The following KHDRBS2 variants were observed in gnomAD, a reference collection of about 807,000 sequenced individuals.
KHDRBS2 encodes the protein KH RNA binding domain containing, signal transduction associated 2.
KHDRBS2 carries 26 observed loss-of-function variants against 44.3 expected under a neutral mutation model. The ratio of observed to expected loss-of-function variants is 0.59; its 90% confidence interval spans 0.43 to 0.81. The LOEUF (loss-of-function observed/expected upper bound fraction) is 0.81. Among genes scored for constraint, KHDRBS2 ranks in the 40% least tolerant of loss-of-function variants. KHDRBS2 has a pLI of 0.00. For synonymous variants in KHDRBS2, 194 were observed against 151.1 expected, an observed-to-expected ratio of 1.28 and a Z score of -2.08; for missense variants, 476 against 433.1, an observed-to-expected ratio of 1.10 and a Z score of -0.88.
At chr6:61,857,928 A>G (rs1298393040) in intron 6 of KHDRBS2, among the ~76,000 whole-genome samples, 4 of 152,024 alleles carry the variant, frequency 2.6e-5, no homozygotes, top group Non-Finnish European at 5.9e-5. Context: ...TATGATTTAA[A>G]ATTTATATTA....
rs78555712 is a variant in KHDRBS2 at position 61,752,730 on chromosome 6, A to G, written c.811-19966T>C. Among the ~76,000 whole-genome samples, 1,343 of 150,612 alleles carry G rather than the reference A, an allele frequency of 8.9e-3. 13 individuals carry two copies. The highest frequency in any genetic ancestry group is 0.014 in the Middle Eastern group (4 of 286). On this transcript the variant is annotated intron_variant, in intron 6 of 8. Transcript: ENST00000281156. Reference sequence around the variant, plus strand: ...TCCATGCTCATTGAGGTCATATTCTAGTTGGTGGTTTAAGATGAAGACAGA... The same window carrying G: ...TCCATGCTCATTGAGGTCATATTCTGGTTGGTGGTTTAAGATGAAGACAGA...
the KHDRBS2 span, chr6:61,630,470 T>A: frequency 6.6e-6 from 1 of 152,228 alleles, no homozygotes; most frequent in South Asian, 2.1e-4. Flanking sequence ...ATGTCTTCCA[T>A]GGTGAACAGG....
At chr6:62,235,070 C>CA (rs1488093202) in intron 1 of KHDRBS2, among the ~76,000 whole-genome samples, 1 of 106,966 alleles carries the variant, frequency 9.3e-6, no homozygotes, top group Non-Finnish European at 2.0e-5. Flanking sequence ...TCCATTTAGG[C>CA]TTTTTTTTTT....
chr6:61,954,835 T>C (rs1387053682), intron 4 of KHDRBS2, among the ~76,000 whole-genome samples: 10 of 77,802 alleles, frequency 1.3e-4, no homozygotes, highest in East Asian at 6.0e-4. Context: ...CACATGCATA[T>C]GTATGTATAC....
chr6:61,828,794 TTTTA>T (rs1324884828), intron 6 of KHDRBS2, among the ~76,000 whole-genome samples: 1 of 152,214 alleles, frequency 6.6e-6, no homozygotes, highest in African/African-American at 2.4e-5. Flanking sequence ...AGATACAATA[TTTTA>T]TTTATCTTTG....
chr6:61,878,333 C>T (rs1240244581), intron 6 of KHDRBS2, among the ~76,000 whole-genome samples: 2 of 152,156 alleles, frequency 1.3e-5, no homozygotes, highest in South Asian at 2.1e-4. Flanking sequence ...CATTGTACTA[C>T]TTTTCCCCTA....
At chr6:62,043,032 T>C (rs1296779309) in intron 3 of KHDRBS2, among the ~76,000 whole-genome samples, 3 of 152,120 alleles carry the variant, frequency 2.0e-5, no homozygotes, top group African/African-American at 4.8e-5. Context: ...TTAAGGACAA[T>C]AGGTGAGTCT....
chr6:61,950,897 A>G (rs1297098978), intron 4 of KHDRBS2, among the ~76,000 whole-genome samples: 1 of 152,076 alleles, frequency 6.6e-6, no homozygotes, highest in Non-Finnish European at 1.5e-5. Context: ...TAGTATTTTC[A>G]TAATTAGGAA....
At chr6:61,569,173 C>T in the KHDRBS2 span, among the ~76,000 whole-genome samples, 15 of 152,104 alleles carry the variant, frequency 9.9e-5, no homozygotes, top group Admixed American at 9.8e-4. Flanking sequence ...CCAAAATCCC[C>T]TCTGGAACAT....
At chr6:62,269,321 AT>A (rs1486811997) in intron 1 of KHDRBS2, among the ~76,000 whole-genome samples, 1 of 152,086 alleles carries the variant, frequency 6.6e-6, no homozygotes, top group Non-Finnish European at 1.5e-5. Context: ...TTAGGGAAAA[AT>A]ATCACAAAAC....
chr6:61,547,287 A>C, the KHDRBS2 span, among the ~76,000 whole-genome samples: 1 of 152,130 alleles, frequency 6.6e-6, no homozygotes, highest in East Asian at 1.9e-4. Flanking sequence ...TTGCCAATAC[A>C]TTCACCCTTA....
chr6:61,725,125 C>G (rs926685410), intron 7 of KHDRBS2, among the ~76,000 whole-genome samples: 3 of 152,132 alleles, frequency 2.0e-5, no homozygotes, highest in Non-Finnish European at 4.4e-5. Context: ...ACAGTGCAAT[C>G]AAATTTGATC....
intron 5 of KHDRBS2, among the ~76,000 whole-genome samples, chr6:61,899,179 TAA>T (rs1266518758): frequency 1.3e-5 from 2 of 152,010 alleles, no homozygotes; most frequent in East Asian, 3.9e-4. Context: ...ATTCTAGTAA[TAA>T]GAGTATTTCT....
At chr6:62,142,025 G>A (rs192012020) in intron 2 of KHDRBS2, among the ~76,000 whole-genome samples, 20 of 151,962 alleles carry the variant, frequency 1.3e-4, no homozygotes, top group Admixed American at 3.3e-4. Flanking sequence ...TTTAACTACC[G>A]GTCCTAGAGC....
Position 61,930,529 on chromosome 6 carries a change from AAAAAAAAAAAAAAAAAG to A in KHDRBS2, c.484-29175_484-29159del, listed in dbSNP as rs1312778153. Among the ~76,000 whole-genome samples the A allele has an allele frequency of 1.1e-3, 28 of 25,908 alleles. 1 individual carries two copies. The highest frequency in any genetic ancestry group is 1.9e-3 in the African/African-American group (16 of 8,570). The allele number at this position is 25,908 out of a possible 152,430, so 17.0% of individuals were successfully genotyped here. On this transcript the variant is annotated intron_variant, in intron 4 of 8. Coordinates refer to ENST00000281156, the MANE Select transcript of KHDRBS2 (RefSeq NM_152688.4). ...ATGGACCCTATACCGCCCCTAAAAA[AAAAAAAAAAAAAAAAAG>A]AAAAAAAAAAAAAAAAAAAAAGGCT... is the stretch of plus-strand genomic sequence containing the variant.
intron 6 of KHDRBS2, among the ~76,000 whole-genome samples, chr6:61,842,164 T>A (rs1793698256): frequency 6.6e-6 from 1 of 152,196 alleles, no homozygotes; most frequent in Admixed American, 6.5e-5. Flanking sequence ...CTACCCAATC[T>A]GAAAGCTGCT....
chr6:62,019,774 G>T (rs1363593418), intron 3 of KHDRBS2, among the ~76,000 whole-genome samples: 4 of 151,680 alleles, frequency 2.6e-5, no homozygotes, highest in South Asian at 2.1e-4. Context: ...TAAATCCATG[G>T]TAATGTCATC....
At chr6:61,915,748 A>T (rs1806878949) in intron 4 of KHDRBS2, among the ~76,000 whole-genome samples, 1 of 152,044 alleles carries the variant, frequency 6.6e-6, no homozygotes, top group African/African-American at 2.4e-5. Flanking sequence ...TTACAAAAAG[A>T]GTTTTATGCT....
intron 5 of KHDRBS2, among the ~76,000 whole-genome samples, chr6:61,901,026 C>T (rs1270670805): frequency 6.6e-6 from 1 of 152,152 alleles, no homozygotes; most frequent in Non-Finnish European, 1.5e-5. Flanking sequence ...CAATTTCTCA[C>T]CTGCAGATGC....
Sources: gnomAD v4.1 joint callset for allele counts (sites outside exome capture counted in the v4.1 genomes callset) on GRCh38, gnomAD v4.1.1 for gene constraint, MANE v1.5 for transcripts, NCBI Gene and HGNC (gene_info 2026-07-23, HGNC 2026-07-21) for gene names.